The following ASTN2 variants were observed in gnomAD, a reference collection of about 807,000 sequenced individuals.
ASTN2 encodes the protein astrotactin 2, also known as astrotactin-2.
Under a neutral mutation model 139.8 loss-of-function variants are expected in ASTN2, and 54 were observed. That is an observed-to-expected ratio of 0.39 (90% CI 0.31 to 0.48). The LOEUF (loss-of-function observed/expected upper bound fraction) is 0.48. Ranked by LOEUF, ASTN2 falls within the 20% of genes least tolerant of loss-of-function variation. ASTN2 has a pLI of 0.95. For missense variants in ASTN2, 1,565 were observed against 1,725.1 expected (o/e 0.91, Z 1.64); for synonymous variants, 756 against 719.5 (o/e 1.05, Z -0.81).
intron 16 of ASTN2, among the ~76,000 whole-genome samples, chr9:116,715,278 T>G (rs1050593779): frequency 5.9e-5 from 9 of 152,146 alleles, no homozygotes; most frequent in African/African-American, 2.2e-4. Flanking sequence ...CTCTAACTAC[T>G]TGGGAGACTG....
intron 3 of ASTN2, among the ~76,000 whole-genome samples, chr9:117,186,108 C>T (rs945020513): frequency 6.6e-6 from 1 of 152,182 alleles, no homozygotes; most frequent in Admixed American, 6.5e-5. Flanking sequence ...GCCTCCTCTG[C>T]TTCGGTCTCC....
chr9:117,265,801 G>T (rs1349606531), intron 2 of ASTN2, among the ~76,000 whole-genome samples: 1 of 68,442 alleles, frequency 1.5e-5, no homozygotes, highest in African/African-American at 4.6e-5. Flanking sequence ...AAAATTGAAA[G>T]CAAAATGGTA....
At chr9:116,986,163 C>CG (rs1364102116) in intron 7 of ASTN2, among the ~76,000 whole-genome samples, 2 of 122,566 alleles carry the variant, frequency 1.6e-5, no homozygotes, top group African/African-American at 6.6e-5. Context: ...CCAGGCTGCC[C>CG]CCCCCCACCC....
At chr9:116,646,587 C>G (rs964488128) in intron 17 of ASTN2, among the ~76,000 whole-genome samples, 1 of 152,168 alleles carries the variant, frequency 6.6e-6, no homozygotes, top group African/African-American at 2.4e-5. Context: ...GTCTATCCCA[C>G]TCATTCCCAC....
chr9:116,805,849 G>T, intron 12 of ASTN2, 29 bp from the exon 13 acceptor site: 2 of 1,604,898 alleles, frequency 1.2e-6, no homozygotes, highest in Non-Finnish European at 1.7e-6. Flanking sequence ...CTCAGAATTA[G>T]CTTCACATCC....
intron 3 of ASTN2, among the ~76,000 whole-genome samples, chr9:117,178,893 C>A (rs1830985319): frequency 6.6e-6 from 1 of 152,230 alleles, no homozygotes; most frequent in Admixed American, 6.5e-5. Flanking sequence ...ACAGTGATGG[C>A]TCTGTGGGAG....
chr9:117,234,749 G>A (rs1479967367), intron 2 of ASTN2, among the ~76,000 whole-genome samples: 1 of 152,086 alleles, frequency 6.6e-6, no homozygotes, highest in African/African-American at 2.4e-5. Context: ...GGCTGAGAGA[G>A]GATGAGAGCC....
intron 13 of ASTN2, among the ~76,000 whole-genome samples, chr9:116,745,090 C>T (rs1829199842): frequency 6.6e-6 from 1 of 152,204 alleles, no homozygotes; most frequent in Non-Finnish European, 1.5e-5. Flanking sequence ...CATGGGTCCA[C>T]TCTAATCACA....
rs79176992 is a variant in ASTN2 at position 117,141,897 on chromosome 9, C to A, written c.1016-419G>T. On this transcript the variant is annotated intron_variant, in intron 3 of 22. Coordinates refer to ENST00000313400, the MANE Select transcript of ASTN2 (RefSeq NM_001365068.1). ...GATCACTGAAAAGGGTCATCACACC[C>A]ATCTGAGAATCAAAATAGGCTTCCA... Among the ~76,000 whole-genome samples, 544 of 152,242 alleles carry A rather than the reference C, an allele frequency of 3.6e-3. 12 individuals are homozygous for A. In the East Asian group the frequency reaches 0.062, roughly 17 times the overall value.
chr9:116,997,303 G>T (rs1487435550), intron 7 of ASTN2, among the ~76,000 whole-genome samples: 1 of 152,062 alleles, frequency 6.6e-6, no homozygotes, highest in Non-Finnish European at 1.5e-5. Flanking sequence ...TTTCTTAAAA[G>T]ACCTTAAACA....
chr9:116,610,468 G>T (rs968860796), intron 19 of ASTN2, among the ~76,000 whole-genome samples: 11 of 152,164 alleles, frequency 7.2e-5, no homozygotes, highest in African/African-American at 2.7e-4. Flanking sequence ...AGCTGGGGTG[G>T]TGGCGGGTGC....
At position 117,071,785 on chromosome 9, in the gene ASTN2, C is replaced by T. The variant is rs1052719253; in HGVS notation, c.1276+24259G>A. Among the ~76,000 whole-genome samples, 10 of 151,742 alleles carry T rather than the reference C, an allele frequency of 6.6e-5. 1 individual carries two copies. Among genetic ancestry groups the T allele is most frequent in the East Asian group, 3.9e-4 (2 of 5,128 alleles). On this transcript the variant is annotated intron_variant, in intron 5 of 22. Coordinates refer to ENST00000313400, the MANE Select transcript of ASTN2 (RefSeq NM_001365068.1). ...AGTGACCCGATTTTCCAGGTGCGTC[C>T]GTCACCCCTTTCTTTGACTCGGAAA...
chr9:117,373,427 G>T (rs1316272457), intron 1 of ASTN2, among the ~76,000 whole-genome samples: 1 of 152,178 alleles, frequency 6.6e-6, no homozygotes, highest in East Asian at 1.9e-4. Flanking sequence ...ACCACCCAGG[G>T]TGCCTTGTAT....
At chr9:117,064,087 G>A (rs1046530904) in intron 5 of ASTN2, among the ~76,000 whole-genome samples, 1 of 151,938 alleles carries the variant, frequency 6.6e-6, no homozygotes, top group Non-Finnish European at 1.5e-5. Context: ...TTCTGGCCGA[G>A]ACTTGTTAAT....
intron 1 of ASTN2, among the ~76,000 whole-genome samples, chr9:117,304,112 T>C (rs749471325): frequency 1.3e-5 from 2 of 152,110 alleles, no homozygotes; most frequent in Non-Finnish European, 2.9e-5. Context: ...AGAGAGCCCA[T>C]AGAGATCAGC....
rs537607572 is a variant in ASTN2, at chr9:116,535,674, G to A, written c.3356-48174C>T. ...GAAAATTCTTTTATTTAAGAATGTTGAATATTAGCCTCCACTCTCTTCGGC... is the reference window on the plus strand; with the variant it reads ...GAAAATTCTTTTATTTAAGAATGTTAAATATTAGCCTCCACTCTCTTCGGC... On this transcript the variant is annotated intron_variant, in intron 19 of 22. Transcript: ENST00000313400. Among the ~76,000 whole-genome samples the A allele has an allele frequency of 1.5e-3, 224 of 152,262 alleles. 3 individuals carry two copies. Among genetic ancestry groups the A allele is most frequent in the Non-Finnish European group, 1.6e-3 (109 of 68,028 alleles).
intron 19 of ASTN2, among the ~76,000 whole-genome samples, chr9:116,569,612 A>G (rs1384627206): frequency 2.0e-5 from 3 of 152,200 alleles, no homozygotes; most frequent in East Asian, 1.9e-4. Flanking sequence ...TTCAGCTTCA[A>G]TTCACATTTG....
intron 17 of ASTN2, 118 bp from the exon 18 acceptor site, chr9:116,620,561 C>G: frequency 7.9e-7 from 1 of 1,271,520 alleles, no homozygotes; most frequent in Non-Finnish European, 1.1e-6. Flanking sequence ...CCTTTAAGCA[C>G]AAGACACCAT....
At chr9:116,722,809 A>G (rs1828509500) in intron 16 of ASTN2, among the ~76,000 whole-genome samples, 1 of 152,118 alleles carries the variant, frequency 6.6e-6, no homozygotes. Flanking sequence ...TCCCTTCACT[A>G]AGAGTTAAAA....
Sources: gnomAD v4.1 joint callset for allele counts (sites outside exome capture counted in the v4.1 genomes callset) on GRCh38, gnomAD v4.1.1 for gene constraint, MANE v1.5 for transcripts, NCBI Gene and HGNC (gene_info 2026-07-23, HGNC 2026-07-21) for gene names.